Variants in PYROXD1 observed in about 807,000 individuals in gnomAD.
PYROXD1 encodes the protein tRNA ligase complex-associated NAD(P)H dehydrogenase PYROXD1.
In PYROXD1, 42 loss-of-function variants were observed where a neutral mutation model predicts 62.0. The observed-to-expected ratio is 0.68, with a 90% CI of 0.53 to 0.88. The LOEUF is 0.88. Among genes scored for constraint, PYROXD1 ranks in the 40% least tolerant of loss-of-function variants. The pLI is 0.00. For missense variants in PYROXD1, 493 were observed against 604.8 expected (o/e 0.82, Z 1.94); for synonymous variants, 170 against 206.4 (o/e 0.82, Z 1.51).
chr12:21,458,836 C>A (rs1327245520), intron 7 of PYROXD1, among the ~76,000 whole-genome samples: 2 of 152,138 alleles, frequency 1.3e-5, no homozygotes, highest in African/African-American at 4.8e-5. Flanking sequence ...TTACTAATCA[C>A]AGATCACCAT....
intron 5 of PYROXD1, among the ~76,000 whole-genome samples, chr12:21,453,356 T>G (rs1032159528): frequency 6.6e-6 from 1 of 152,110 alleles, no homozygotes; most frequent in Non-Finnish European, 1.5e-5. Context: ...TGGACCCACA[T>G]AATGTTATTC....
intron 10 of PYROXD1, among the ~76,000 whole-genome samples, chr12:21,463,438 C>T (rs1195100954): frequency 6.6e-6 from 1 of 152,058 alleles, no homozygotes; most frequent in Admixed American, 6.5e-5. Context: ...CCTGTAATCC[C>T]AGCACTTTGG....
rs1200352799 is a variant in PYROXD1, at chr12:21,469,408, G to GTGTT, written c.*655_*658dup. 4 of 151,232 alleles carry GTGTT rather than the reference G, an allele frequency of 2.6e-5. No homozygotes were observed. The Admixed American group carries it at 2.7e-4, about 10-fold the overall frequency. The allele number at this position is 151,232 out of a possible 1,614,324, so 9.4% of individuals were successfully genotyped here. A position where few individuals can be genotyped will look rare whatever the true frequency, so the allele number is the denominator to read the frequency against. On this transcript the variant is annotated 3_prime_UTR_variant, in exon 12 of 12. Coordinates refer to ENST00000240651, the MANE Select transcript of PYROXD1 (RefSeq NM_024854.5). Reference sequence around the variant, plus strand: ...TTTTTAAGCTCATCAGCTATCGTCAGTGTTAGCATATTTTATGTGCGGCCC... The same window carrying GTGTT: ...TTTTTAAGCTCATCAGCTATCGTCAGTGTTTGTTAGCATATTTTATGTGCGGCCC...
chr12:21,460,970 A>C, intron 7 of PYROXD1, 55 bp from the exon 8 acceptor site: 65 of 1,079,106 alleles, frequency 6.0e-5, no homozygotes, highest in Non-Finnish European at 7.0e-5. Context: ...ATCATTAGTA[A>C]CCCGGGTTAT....
At chr12:21,443,188 C>A (rs1942328222) in intron 2 of PYROXD1, among the ~76,000 whole-genome samples, 2 of 152,014 alleles carry the variant, frequency 1.3e-5, no homozygotes, top group African/African-American at 4.8e-5. Context: ...CCAGAAGCTC[C>A]CAGAATGATA....
chr12:21,460,501 G>A (rs1050883001), intron 7 of PYROXD1, among the ~76,000 whole-genome samples: 3 of 150,660 alleles, frequency 2.0e-5, no homozygotes, highest in African/African-American at 7.3e-5. Context: ...TTGGCTCGCT[G>A]CAACCTCTGC....
At chr12:21,449,858 CTTTTTT>C (rs71537701) in intron 4 of PYROXD1, among the ~76,000 whole-genome samples, 167 bp downstream of exon 4, 1 of 147,376 alleles carries the variant, frequency 6.8e-6, no homozygotes, top group Non-Finnish European at 1.5e-5. Context: ...AATTTTCTTT[CTTTTTT>C]TTTTTTTTTT....
Position 21,468,946 on chromosome 12 carries a change from T to C in PYROXD1, c.*192T>C, listed in dbSNP as rs1010651682. ...TCAGTTCAAAGTTTATTTATAGATATATCTTTCCAATACAACACTGACCGC... is the reference window on the plus strand; with the variant it reads ...TCAGTTCAAAGTTTATTTATAGATACATCTTTCCAATACAACACTGACCGC... On this transcript the variant is annotated 3_prime_UTR_variant, in exon 12 of 12. Coordinates refer to ENST00000240651, the MANE Select transcript of PYROXD1 (RefSeq NM_024854.5). 7.3e-6 allele frequency: 4 copies of C among 550,268 alleles called. No homozygotes were observed. Among genetic ancestry groups the C allele is most frequent in the African/African-American group, 3.8e-5 (2 of 52,556 alleles). 34.1% of individuals were successfully genotyped at this position (550,268 alleles called of 1,614,324 possible).
At chr12:21,453,108 G>A (rs1300637747) in intron 5 of PYROXD1, among the ~76,000 whole-genome samples, 1 of 151,818 alleles carries the variant, frequency 6.6e-6, no homozygotes, top group African/African-American at 2.4e-5. Context: ...TTGTAAATGG[G>A]GCTTCAAATC....
intron 4 of PYROXD1, among the ~76,000 whole-genome samples, chr12:21,450,503 G>A (rs1942475857): frequency 6.6e-6 from 1 of 152,060 alleles, no homozygotes; most frequent in Non-Finnish European, 1.5e-5. Flanking sequence ...ATCCCAATAA[G>A]GTGAAACATC....
intron 5 of PYROXD1, among the ~76,000 whole-genome samples, chr12:21,453,440 C>T (rs1942538207): frequency 6.6e-6 from 1 of 152,072 alleles, no homozygotes; most frequent in South Asian, 2.1e-4. Flanking sequence ...CCTTTCTACA[C>T]TGTGTTTCAG....
chr12:21,450,427 CAAA>C (rs1942473977), intron 4 of PYROXD1, among the ~76,000 whole-genome samples: 1 of 152,090 alleles, frequency 6.6e-6, no homozygotes, highest in African/African-American at 2.4e-5. Context: ...CTTTGTGGTA[CAAA>C]ATCATGATAG....
At chr12:21,450,913 G>A (rs2137259698) in intron 4 of PYROXD1, among the ~76,000 whole-genome samples, 1 of 152,296 alleles carries the variant, frequency 6.6e-6, no homozygotes, top group Admixed American at 6.5e-5. Flanking sequence ...GAGGTCAAGA[G>A]ATTAAGTATG....
In PYROXD1 at chr12:21,452,200, A is replaced by G. The variant is rs11046062; in HGVS notation, c.488+46A>G. On this transcript the variant is annotated intron_variant, in intron 5 of 11. Coordinates refer to ENST00000240651, the MANE Select transcript of PYROXD1 (RefSeq NM_024854.5). ...ATGATAACATTTAAATTGTTTAAAA[A>G]TAATTTGTTTTTAAATTAAACAATT... 9.1e-3 allele frequency: 11,147 copies of G among 1,223,176 alleles called. 741 individuals are homozygous for G. In the African/African-American group the frequency reaches 0.15, roughly 17 times the overall value. 75.8% of individuals were successfully genotyped at this position (1,223,176 alleles called of 1,614,324 possible).
intron 9 of PYROXD1, among the ~76,000 whole-genome samples, 176 bp from the exon 10 acceptor site, chr12:21,462,564 T>C (rs531840584): frequency 1.3e-5 from 2 of 152,360 alleles, no homozygotes; most frequent in East Asian, 1.9e-4. Context: ...TCAGTCTTAG[T>C]TGGAATTTGA....
Position 21,468,571 on chromosome 12 carries a change from T to C in PYROXD1, c.1320T>C (p.Cys440=). ...LGSDHELMLR[C]TKGREYIKVV... Reference sequence around the variant, plus strand: ...CAGATCATGAATTAATGCTGAGATGTACCAAAGGACGAGAATACATCAAAG... The same window carrying C: ...CAGATCATGAATTAATGCTGAGATGCACCAAAGGACGAGAATACATCAAAG... The change falls in exon 12 of 12, where the codon TGT becomes TGC. Residue 440 remains cysteine (C), a synonymous_variant. Transcript: ENST00000240651. 1 of 1,613,002 alleles carries C rather than the reference T, an allele frequency of 6.2e-7. No homozygotes were observed. Among genetic ancestry groups the C allele is most frequent in the Non-Finnish European group, 8.5e-7 (1 of 1,179,304 alleles).
rs1942850728 is a variant in PYROXD1, at chr12:21,468,680, A to T, written c.1429A>T (p.Asn477Tyr). 6.2e-7 allele frequency: 1 copy of T among 1,611,816 alleles called. No homozygotes were observed. Among genetic ancestry groups the T allele is most frequent in the Non-Finnish European group, 8.5e-7 (1 of 1,178,662 alleles). ...AGAAACATTTGAAAACCTAATCTTA[A>T]ACCAAATGAATCTTTCATCATATGG... ...LEETFENLILNQMNLSSYGED... is the reference protein window; with the variant it reads ...LEETFENLILYQMNLSSYGED... Residue 477 changes from asparagine (N) to tyrosine (Y), a missense_variant, in exon 12 of 12, where the codon AAC (asparagine) becomes TAC (tyrosine). This residue lies in a region of PYROXD1 where 329 missense variants were observed against 446.6 expected (regional missense o/e 0.74). Transcript: ENST00000240651.
chr12:21,445,509 CTT>C (rs1266312047), intron 3 of PYROXD1, 43 bp downstream of exon 3: 2 of 1,524,718 alleles, frequency 1.3e-6, no homozygotes, highest in Non-Finnish European at 1.8e-6. Flanking sequence ...ATTGTTGAAT[CTT>C]GATGAAGTTT....
chr12:21,452,276 T>C, intron 5 of PYROXD1, 122 bp downstream of exon 5: 1 of 651,736 alleles, frequency 1.5e-6, no homozygotes. Flanking sequence ...TTTTTTATTC[T>C]GAAAATCAAA....
Sources: gnomAD v4.1 joint callset for allele counts (sites outside exome capture counted in the v4.1 genomes callset) on GRCh38, gnomAD v4.1.1 for gene constraint, gnomAD v4.1.1 regional missense constraint, MANE v1.5 for transcripts, NCBI Gene and HGNC (gene_info 2026-07-23, HGNC 2026-07-21) for gene names.